FBXO4: variants seen among roughly 807,000 people sequenced by gnomAD.
FBXO4 encodes the protein F-box only protein 4.
In FBXO4, 36 loss-of-function variants were observed where a neutral mutation model predicts 43.7. The observed-to-expected ratio is 0.82, with a 90% CI of 0.63 to 1.09. The LOEUF is 1.09. FBXO4 is among the 50% of genes least tolerant of loss of function. FBXO4 has a pLI of 0.00. For missense variants in FBXO4, 435 were observed against 474.1 expected (o/e 0.92, Z 0.77); for synonymous variants, 180 against 165.6 (o/e 1.09, Z -0.67).
At chr5:41,995,828 T>A in the FBXO4 span, among the ~76,000 whole-genome samples, 7 of 152,192 alleles carry the variant, frequency 4.6e-5, no homozygotes, top group African/African-American at 1.7e-4. Flanking sequence ...CTACAGCCCA[T>A]GAATCAGTAT....
chr5:42,011,235 T>C, the FBXO4 span, among the ~76,000 whole-genome samples: 1 of 152,310 alleles, frequency 6.6e-6, no homozygotes, highest in African/African-American at 2.4e-5. Flanking sequence ...AGGCGGGGCC[T>C]AGTGGGAGGT....
the FBXO4 span, among the ~76,000 whole-genome samples, chr5:42,027,490 A>G: frequency 6.6e-6 from 1 of 151,286 alleles, no homozygotes; most frequent in Non-Finnish European, 1.5e-5. Flanking sequence ...TTTGAAAAAC[A>G]GCTTTTTGTT....
intron 3 of FBXO4, among the ~76,000 whole-genome samples, chr5:41,931,149 C>G (rs190655156): frequency 1.6e-4 from 24 of 152,204 alleles, no homozygotes; most frequent in Non-Finnish European, 3.1e-4. Flanking sequence ...TACTCAGGCT[C>G]TTGAGTGAAG....
chr5:41,995,296 C>A, the FBXO4 span, among the ~76,000 whole-genome samples: 1 of 152,170 alleles, frequency 6.6e-6, no homozygotes, highest in South Asian at 2.1e-4. Context: ...GCAAACCCAT[C>A]CCTGGAGTAA....
At chr5:41,973,270 A>G in the FBXO4 span, among the ~76,000 whole-genome samples, 17 of 152,246 alleles carry the variant, frequency 1.1e-4, no homozygotes, top group African/African-American at 4.1e-4. Context: ...ACATGAACAG[A>G]CACTTCTCAA....
At chr5:41,936,320 C>G (rs919666685) in intron 5 of FBXO4, among the ~76,000 whole-genome samples, 1 of 152,078 alleles carries the variant, frequency 6.6e-6, no homozygotes, top group African/African-American at 2.4e-5. Flanking sequence ...ATTGCTTGAG[C>G]CCAGGAGTTT....
the FBXO4 span, among the ~76,000 whole-genome samples, chr5:42,008,254 T>G: frequency 6.6e-6 from 1 of 152,130 alleles, no homozygotes; most frequent in Non-Finnish European, 1.5e-5. Context: ...GCTAACCTGT[T>G]TTAATGAGGA....
the FBXO4 span, among the ~76,000 whole-genome samples, chr5:41,964,835 C>A: frequency 6.6e-6 from 1 of 151,996 alleles, no homozygotes; most frequent in Admixed American, 6.6e-5. Context: ...CTGTAGGTTG[C>A]CTGTGCACTC....
the FBXO4 span, among the ~76,000 whole-genome samples, chr5:42,038,542 C>A: frequency 6.6e-6 from 1 of 152,052 alleles, no homozygotes; most frequent in African/African-American, 2.4e-5. Context: ...TACAAGCATA[C>A]AATGTGTAAT....
the FBXO4 span, among the ~76,000 whole-genome samples, chr5:41,956,382 G>T: frequency 6.6e-6 from 1 of 152,178 alleles, no homozygotes; most frequent in Non-Finnish European, 1.5e-5. Context: ...TGTTGAACTT[G>T]AAGATGCAGC....
At position 41,925,339 on chromosome 5, in the gene FBXO4, A is replaced by C. The variant is rs113745031; in HGVS notation, c.30A>C (p.Thr10=). Residue 10 remains threonine (T), a synonymous_variant, in exon 1 of 7, where the codon ACA becomes ACC. Transcript: ENST00000281623. MAGSEPRSG[T]NSPPPPFSDW... ...CGGGAAGCGAGCCGCGCAGCGGAAC[A>C]AACTCGCCGCCGCCGCCCTTCAGCG... is the stretch of plus-strand genomic sequence containing the variant. 1.5e-6 allele frequency: 2 copies of C among 1,365,418 alleles called. No homozygotes were observed. Among genetic ancestry groups the C allele is most frequent in the Non-Finnish European group, 1.9e-6 (2 of 1,055,420 alleles). 84.6% of individuals were successfully genotyped at this position (1,365,418 alleles called of 1,614,324 possible).
chr5:42,035,511 C>T, the FBXO4 span, among the ~76,000 whole-genome samples: 3 of 152,044 alleles, frequency 2.0e-5, no homozygotes, highest in East Asian at 5.8e-4. Flanking sequence ...TACAAGCTTT[C>T]TATAATTCTA....
At chr5:42,023,107 G>A in the FBXO4 span, among the ~76,000 whole-genome samples, 13 of 152,172 alleles carry the variant, frequency 8.5e-5, no homozygotes, top group Admixed American at 8.5e-4. Context: ...GGACTGTGGT[G>A]AAAAGAGAAG....
chr5:41,926,838 TATG>T (rs925513850), intron 1 of FBXO4, among the ~76,000 whole-genome samples, 172 bp from the exon 2 acceptor site: 1 of 152,262 alleles, frequency 6.6e-6, no homozygotes, highest in African/African-American at 2.4e-5. Context: ...AATGTTCAGT[TATG>T]ATCCTTTGCT....
At chr5:41,940,371 C>T (rs903144028) in intron 6 of FBXO4, among the ~76,000 whole-genome samples, 3 of 152,150 alleles carry the variant, frequency 2.0e-5, no homozygotes, top group African/African-American at 4.8e-5. Flanking sequence ...AAGTGATTCT[C>T]ATGCCTCAGC....
the FBXO4 span, among the ~76,000 whole-genome samples, chr5:42,001,272 C>CAGAGT: frequency 2.0e-5 from 3 of 152,102 alleles, no homozygotes; most frequent in Non-Finnish European, 4.4e-5. Context: ...CTCTGTCACC[C>CAGAGT]AGAGTGGAGT....
chr5:41,993,457 A>G, the FBXO4 span, among the ~76,000 whole-genome samples: 1 of 151,954 alleles, frequency 6.6e-6, no homozygotes, highest in African/African-American at 2.4e-5. Flanking sequence ...TTTTTGTGGT[A>G]AGAAAACTTA....
chr5:42,008,211 A>G, the FBXO4 span, among the ~76,000 whole-genome samples: 1 of 152,162 alleles, frequency 6.6e-6, no homozygotes, highest in Non-Finnish European at 1.5e-5. Context: ...AACAAAATCA[A>G]TAGGTGAAGG....
chr5:42,025,090 T>C, the FBXO4 span, among the ~76,000 whole-genome samples: 1 of 151,094 alleles, frequency 6.6e-6, no homozygotes, highest in East Asian at 1.9e-4. Context: ...CTGGATCATA[T>C]GGTAGCTCTA....
Sources: allele counts gnomAD v4.1 joint callset (sites outside exome capture counted in the v4.1 genomes callset), GRCh38; gene constraint gnomAD v4.1.1; transcripts MANE v1.5; gene names NCBI Gene and HGNC (gene_info 2026-07-23, HGNC 2026-07-21).